GABPB1: variants seen among roughly 807,000 people sequenced by gnomAD.
GABPB1 encodes GA binding protein transcription factor subunit beta 1.
Under a neutral mutation model 45.9 loss-of-function variants are expected in GABPB1, and 15 were observed. The observed-to-expected ratio is 0.33, with a 90% CI of 0.22 to 0.50. The LOEUF (loss-of-function observed/expected upper bound fraction) is 0.50, where lower values mean the gene tolerates loss of function less well. Ranked by LOEUF, GABPB1 falls within the 20% of genes least tolerant of loss-of-function variation. The pLI is 0.98. For missense variants in GABPB1, 252 were observed against 457.5 expected (o/e 0.55, Z 4.10); for synonymous variants, 143 against 154.4 (o/e 0.93, Z 0.55).
intron 1 of GABPB1, among the ~76,000 whole-genome samples, chr15:50,338,223 A>G (rs1203902650): frequency 2.6e-5 from 4 of 151,798 alleles, no homozygotes; most frequent in African/African-American, 9.7e-5. Context: ...TATTTTTAGT[A>G]CAGACGGGGT....
intron 1 of GABPB1, chr15:50,354,395 C>G (rs1201591272): frequency 2.2e-6 from 1 of 451,864 alleles, no homozygotes; most frequent in Non-Finnish European, 4.4e-6. Context: ...CCTGTCTGGT[C>G]CGGCCGATCC....
intron 1 of GABPB1, among the ~76,000 whole-genome samples, chr15:50,325,526 CT>C (rs998646571): frequency 1.3e-5 from 2 of 148,874 alleles, no homozygotes. Flanking sequence ...ACTGGTCAAA[CT>C]TTTTTTTTTG....
At chr15:50,316,589 A>G (rs1188603287) in intron 1 of GABPB1, among the ~76,000 whole-genome samples, 1 of 139,786 alleles carries the variant, frequency 7.2e-6, no homozygotes, top group African/African-American at 2.6e-5. Flanking sequence ...CCAATTTTGT[A>G]TTACACACAC....
At chr15:50,294,808 G>GT (rs1727055810) in intron 6 of GABPB1, among the ~76,000 whole-genome samples, 3 of 152,052 alleles carry the variant, frequency 2.0e-5, no homozygotes, top group African/African-American at 7.2e-5. Context: ...TTTAACCCCT[G>GT]TTTTGACACA....
Position 50,300,778 on chromosome 15 carries a change from G to C in GABPB1, c.697+11C>G, listed in dbSNP as rs762394254. The C allele has an allele frequency of 1.9e-6, 3 of 1,557,322 alleles. No homozygotes were observed. The African/African-American group carries it at 4.1e-5, about 21-fold the overall frequency. On this transcript the variant is annotated intron_variant, in intron 6 of 8. Transcript: ENST00000380877. ...CAATTTTAATGTACACATTAGACTCGTTTTTCTAACCTGGAGTTTCTGAAG... is the reference window on the plus strand; with the variant it reads ...CAATTTTAATGTACACATTAGACTCCTTTTTCTAACCTGGAGTTTCTGAAG...
intron 1 of GABPB1, among the ~76,000 whole-genome samples, chr15:50,331,642 ATTG>A (rs1206865987): frequency 6.6e-6 from 1 of 152,170 alleles, no homozygotes; most frequent in African/African-American, 2.4e-5. Context: ...TGTGATTTAC[ATTG>A]TTAAGAGGCT....
intron 1 of GABPB1, among the ~76,000 whole-genome samples, chr15:50,332,965 A>G (rs1234688031): frequency 6.6e-6 from 1 of 152,132 alleles, no homozygotes; most frequent in Non-Finnish European, 1.5e-5. Flanking sequence ...GATCAATTTC[A>G]TCCTGTCCTA....
rs1595765915 is a variant in GABPB1 at position 50,303,706 on chromosome 15, A to C, written c.276+260T>G. ...AAAAAAAAAAAAACAAAAAGAAAAAATGCTGTAGTCCCTCATCATAAGATA... is the reference window on the plus strand; with the variant it reads ...AAAAAAAAAAAAACAAAAAGAAAAACTGCTGTAGTCCCTCATCATAAGATA... On this transcript the variant is annotated intron_variant, in intron 3 of 8. Coordinates refer to ENST00000380877, the MANE Select transcript of GABPB1 (RefSeq NM_016654.5). 5.3e-5 allele frequency among the ~76,000 whole-genome samples: 8 copies of C among 151,920 alleles called. No individual in the cohort carries two copies. The South Asian group carries it at 1.7e-3, about 31-fold the overall frequency.
At chr15:50,326,241 T>C (rs1332982748) in intron 1 of GABPB1, among the ~76,000 whole-genome samples, 1 of 151,998 alleles carries the variant, frequency 6.6e-6, no homozygotes, top group Non-Finnish European at 1.5e-5. Context: ...AGGCCAGACA[T>C]GGTGGTTCAT....
chr15:50,324,834 A>ACC (rs1258024382), intron 1 of GABPB1, among the ~76,000 whole-genome samples: 2 of 152,148 alleles, frequency 1.3e-5, no homozygotes, highest in East Asian at 3.9e-4. Context: ...GGTGTGAGCC[A>ACC]CCCCGCCTGG....
intron 1 of GABPB1, among the ~76,000 whole-genome samples, chr15:50,323,808 G>C (rs879779698): frequency 9.2e-5 from 14 of 152,082 alleles, no homozygotes; most frequent in Admixed American, 2.0e-4. Flanking sequence ...GAAGTTTGAG[G>C]CTTCAGTGAG....
At chr15:50,317,033 AT>A (rs200292116) in intron 1 of GABPB1, among the ~76,000 whole-genome samples, 1,652 of 152,158 alleles carry the variant, frequency 0.011, 8 homozygotes, top group South Asian at 0.019. Context: ...ATTTGAAAAT[AT>A]TTACAAACAG....
intron 1 of GABPB1, chr15:50,327,129 T>C (rs186560661): frequency 2.4e-4 from 37 of 152,200 alleles, no homozygotes; most frequent in Admixed American, 2.2e-3. Flanking sequence ...AGAAAAGGCT[T>C]TTTAGAACTC....
chr15:50,328,051 CTAAG>C (rs1216794937), intron 1 of GABPB1, among the ~76,000 whole-genome samples: 5 of 151,452 alleles, frequency 3.3e-5, no homozygotes, highest in African/African-American at 7.3e-5. Flanking sequence ...TCCAAATAAC[CTAAG>C]TGTCTATAAA....
chr15:50,291,569 G>A (rs34143694), intron 6 of GABPB1, among the ~76,000 whole-genome samples: 27,720 of 149,476 alleles, frequency 0.19, 2,727 homozygotes, highest in Middle Eastern at 0.23. Context: ...CTTGTGATCC[G>A]CCTGCCTTGG....
intron 1 of GABPB1, among the ~76,000 whole-genome samples, chr15:50,345,857 G>A (rs539728422): frequency 3.4e-4 from 51 of 152,030 alleles, no homozygotes; most frequent in African/African-American, 1.1e-3. Flanking sequence ...AACTACAGGC[G>A]CTCGCCACCA....
intron 6 of GABPB1, among the ~76,000 whole-genome samples, chr15:50,293,879 G>A (rs2046427612): frequency 6.6e-6 from 1 of 152,050 alleles, no homozygotes; most frequent in Admixed American, 6.6e-5. Flanking sequence ...CCCCCCAGAA[G>A]CCTTAAGAAC....
intron 2 of GABPB1, among the ~76,000 whole-genome samples, chr15:50,308,926 C>A (rs1343946837): frequency 6.6e-6 from 1 of 151,890 alleles, no homozygotes; most frequent in Admixed American, 6.6e-5. Flanking sequence ...ATAGAGGAAA[C>A]AATATTCATC....
chr15:50,335,799 G>A (rs2048098634), intron 1 of GABPB1, among the ~76,000 whole-genome samples: 1 of 150,536 alleles, frequency 6.6e-6, no homozygotes, highest in African/African-American at 2.5e-5. Flanking sequence ...AGAAGGCTGA[G>A]GCAGGAGAAT....
Sources: gnomAD v4.1 joint callset for allele counts (sites outside exome capture counted in the v4.1 genomes callset) on GRCh38, gnomAD v4.1.1 for gene constraint, MANE v1.5 for transcripts, NCBI Gene and HGNC (gene_info 2026-07-23, HGNC 2026-07-21) for gene names.